The following ACSS3 variants were observed in gnomAD, a reference collection of about 807,000 sequenced individuals.
ACSS3 encodes acyl-CoA synthetase short chain family member 3, also known as acyl-CoA synthetase short-chain family member 3, mitochondrial.
ACSS3 carries 64 observed loss-of-function variants against 84.2 expected under a neutral mutation model. The ratio of observed to expected loss-of-function variants is 0.76; its 90% CI spans 0.62 to 0.94. The LOEUF (loss-of-function observed/expected upper bound fraction) is 0.94. ACSS3 is among the 40% of genes least tolerant of loss of function. The probability of loss-of-function intolerance (pLI) is 0.00; values close to 1 mark genes in which losing one functional copy is unlikely to be tolerated. For missense variants in ACSS3, 815 were observed against 867.6 expected (o/e 0.94, Z 0.76); for synonymous variants, 317 against 310.1 (o/e 1.02, Z -0.23).
At chr12:81,158,593 T>C (rs1025524850) in intron 7 of ACSS3, 2 of 154,276 alleles carry the variant, frequency 1.3e-5, no homozygotes, top group Non-Finnish European at 2.9e-5. Context: ...ATTTGCTCGA[T>C]CCTAATCATT....
chr12:81,145,508 ATCCTTTAGTTGGGAAGATAGGTGAC>A (rs943825584), intron 5 of ACSS3, among the ~76,000 whole-genome samples: 3 of 152,182 alleles, frequency 2.0e-5, no homozygotes, highest in Non-Finnish European at 2.9e-5. Flanking sequence ...ATAGAAGGTG[ATCCTTTAGTTGGGAAGATAGGTGAC>A]TACACACAAT....
At chr12:81,228,818 T>C (rs2033356876) in intron 11 of ACSS3, among the ~76,000 whole-genome samples, 2 of 151,852 alleles carry the variant, frequency 1.3e-5, no homozygotes, top group Admixed American at 1.3e-4. Context: ...GTTAGGAGTC[T>C]TTGCTGTGAG....
intron 9 of ACSS3, among the ~76,000 whole-genome samples, chr12:81,203,884 A>AT (rs910271862): frequency 1.3e-5 from 2 of 152,148 alleles, no homozygotes; most frequent in African/African-American, 4.8e-5. Context: ...TTTTCGTTTT[A>AT]TTTTTTACCC....
At chr12:81,191,104 A>G (rs1487888911) in intron 8 of ACSS3, among the ~76,000 whole-genome samples, 1 of 152,062 alleles carries the variant, frequency 6.6e-6, no homozygotes, top group Non-Finnish European at 1.5e-5. Flanking sequence ...ATGTTTTCAT[A>G]CATGCACAGC....
chr12:81,157,736 G>A (rs977189160), intron 7 of ACSS3, among the ~76,000 whole-genome samples: 3 of 152,090 alleles, frequency 2.0e-5, no homozygotes, highest in African/African-American at 7.2e-5. Context: ...GAACCCAGGA[G>A]GTGGAAGTTG....
intron 8 of ACSS3, among the ~76,000 whole-genome samples, chr12:81,195,374 A>C (rs976793162): frequency 1.4e-4 from 22 of 152,178 alleles, no homozygotes; most frequent in African/African-American, 5.3e-4. Context: ...TATCAACCTC[A>C]TTTTAAACGT....
chr12:81,153,659 C>T (rs886097825), intron 7 of ACSS3, among the ~76,000 whole-genome samples: 2 of 152,082 alleles, frequency 1.3e-5, no homozygotes, highest in Non-Finnish European at 2.9e-5. Context: ...CTGTCAATAC[C>T]AGACAAGGAT....
chr12:81,186,831 A>G (rs552387737), intron 8 of ACSS3, among the ~76,000 whole-genome samples: 2 of 151,930 alleles, frequency 1.3e-5, no homozygotes, highest in African/African-American at 4.8e-5. Context: ...TAGAACTACC[A>G]TATGATCCAG....
At chr12:81,136,044 G>A (rs1190763922) in intron 3 of ACSS3, among the ~76,000 whole-genome samples, 5 of 152,050 alleles carry the variant, frequency 3.3e-5, no homozygotes, top group Non-Finnish European at 7.4e-5. Context: ...TGGGTAATAA[G>A]TAATACTTAT....
At chr12:81,220,198 C>CT (rs1319707971) in intron 11 of ACSS3, 122 bp downstream of exon 11, 1 of 474,566 alleles carries the variant, frequency 2.1e-6, no homozygotes, top group Non-Finnish European at 3.7e-6. Flanking sequence ...TTGTGTGTTG[C>CT]TTAAGAACTG....
chr12:81,095,824 A>C (rs1215466513), intron 1 of ACSS3, among the ~76,000 whole-genome samples: 1 of 152,188 alleles, frequency 6.6e-6, no homozygotes, highest in Non-Finnish European at 1.5e-5. Flanking sequence ...CCAGATTCTG[A>C]GTATACATAC....
At chr12:81,252,016 A>C (rs2034169326) in intron 13 of ACSS3, among the ~76,000 whole-genome samples, 2 of 151,462 alleles carry the variant, frequency 1.3e-5, no homozygotes, top group South Asian at 2.1e-4. Context: ...CTCCATTCTC[A>C]CTCTTTTTGT....
At chr12:81,083,375 T>TTTTA (rs1189611376) in intron 1 of ACSS3, among the ~76,000 whole-genome samples, 1 of 151,130 alleles carries the variant, frequency 6.6e-6, no homozygotes, top group South Asian at 2.1e-4. Context: ...TTTTTTCTTT[T>TTTTA]GAGACGGAGT....
At chr12:81,108,108 G>T (rs1370717544) in intron 1 of ACSS3, among the ~76,000 whole-genome samples, 1 of 152,002 alleles carries the variant, frequency 6.6e-6, no homozygotes, top group Non-Finnish European at 1.5e-5. Flanking sequence ...ACAAACATGA[G>T]ATCAGTCACA....
At chr12:81,239,406 G>A (rs2033721627) in intron 13 of ACSS3, among the ~76,000 whole-genome samples, 1 of 151,902 alleles carries the variant, frequency 6.6e-6, no homozygotes, top group South Asian at 2.1e-4. Context: ...AAGAACATCA[G>A]AAATGAATAA....
intron 10 of ACSS3, among the ~76,000 whole-genome samples, chr12:81,217,861 A>G (rs1437750243): frequency 6.6e-6 from 1 of 152,064 alleles, no homozygotes; most frequent in Non-Finnish European, 1.5e-5. Context: ...ATAAATATAA[A>G]AATAAAAATA....
chr12:81,233,719 T>C (rs191148602), intron 13 of ACSS3, among the ~76,000 whole-genome samples: 2 of 151,656 alleles, frequency 1.3e-5, no homozygotes, highest in African/African-American at 4.8e-5. Context: ...TGGGAAAGCC[T>C]GTGTACATTT....
intron 5 of ACSS3, among the ~76,000 whole-genome samples, chr12:81,145,307 A>G (rs141921719): frequency 6.6e-6 from 1 of 151,974 alleles, no homozygotes; most frequent in African/African-American, 2.4e-5. Flanking sequence ...TTTCCTCCTA[A>G]TGTACCATCC....
At chr12:81,198,116 AC>A (rs2031921967) in intron 8 of ACSS3, among the ~76,000 whole-genome samples, 1 of 152,202 alleles carries the variant, frequency 6.6e-6, no homozygotes, top group Non-Finnish European at 1.5e-5. Flanking sequence ...TAAGAAACCA[AC>A]ATGACTCTTC....
Sources: gnomAD v4.1 joint callset for allele counts (sites outside exome capture counted in the v4.1 genomes callset) on GRCh38, gnomAD v4.1.1 for gene constraint, MANE v1.5 for transcripts, NCBI Gene and HGNC (gene_info 2026-07-23, HGNC 2026-07-21) for gene names.